PAX7: variants seen among roughly 807,000 people sequenced by gnomAD.
The protein encoded by PAX7 is paired box protein Pax-7.
Under a neutral mutation model 50.7 loss-of-function variants are expected in PAX7, and 18 were observed. The ratio of observed to expected loss-of-function variants is 0.36; its 90% confidence interval spans 0.25 to 0.53. PAX7 has a LOEUF of 0.53. PAX7 is among the 20% of genes least tolerant of loss of function. PAX7 has a pLI of 0.93. For synonymous variants in PAX7, 310 were observed against 290.4 expected (o/e 1.07, Z -0.69); for missense variants, 644 against 702.9 (o/e 0.92, Z 0.95).
intron 4 of PAX7, among the ~76,000 whole-genome samples, chr1:18,649,132 A>T (rs2100452872): frequency 6.6e-6 from 1 of 152,288 alleles, no homozygotes; most frequent in South Asian, 2.1e-4. Flanking sequence ...CAGATGGAAA[A>T]GCTCAGGTCC....
At chr1:18,662,307 CTG>C (rs2100480924) in intron 4 of PAX7, among the ~76,000 whole-genome samples, 1 of 152,314 alleles carries the variant, frequency 6.6e-6, no homozygotes, top group Non-Finnish European at 1.5e-5. Context: ...AAGATGACCC[CTG>C]CCCCGGCAGT....
chr1:18,671,524 A>T (rs2088748923), intron 4 of PAX7, among the ~76,000 whole-genome samples: 1 of 151,784 alleles, frequency 6.6e-6, no homozygotes, highest in Non-Finnish European at 1.5e-5. Context: ...AGGTGGGAGG[A>T]GGGTGTGATG....
intron 7 of PAX7, among the ~76,000 whole-genome samples, chr1:18,725,383 G>A (rs1196921073): frequency 6.6e-6 from 1 of 151,656 alleles, no homozygotes; most frequent in East Asian, 2.0e-4. Flanking sequence ...CTGGGCGGGG[G>A]ACCAGAGTCA....
At chr1:18,710,805 C>T (rs2089340979) in intron 7 of PAX7, among the ~76,000 whole-genome samples, 1 of 152,166 alleles carries the variant, frequency 6.6e-6, no homozygotes, top group Non-Finnish European at 1.5e-5. Flanking sequence ...AGATTGGGGA[C>T]ATCCTGGCAT....
intron 4 of PAX7, among the ~76,000 whole-genome samples, chr1:18,647,418 G>A (rs919066168): frequency 6.6e-6 from 1 of 151,220 alleles, no homozygotes; most frequent in Non-Finnish European, 1.5e-5. Context: ...AGTCATCCCC[G>A]CTGTGGTGGC....
At chr1:18,733,587 A>G (rs1350513730) in intron 7 of PAX7, among the ~76,000 whole-genome samples, 2 of 152,110 alleles carry the variant, frequency 1.3e-5, no homozygotes, top group African/African-American at 2.4e-5. Flanking sequence ...CAGAGGGAAA[A>G]GGTGGAGGAG....
At chr1:18,631,759 T>G in intron 1 of PAX7, 71 bp downstream of exon 1, 2 of 1,283,652 alleles carry the variant, frequency 1.6e-6, no homozygotes, top group East Asian at 4.8e-5. Flanking sequence ...GAGGCTGCGG[T>G]CTCCAGGGGA....
At chr1:18,717,323 G>C (rs1380490355) in intron 7 of PAX7, among the ~76,000 whole-genome samples, 3 of 152,196 alleles carry the variant, frequency 2.0e-5, no homozygotes, top group African/African-American at 7.2e-5. Context: ...GCGGCGAAGG[G>C]ACGGGCAGCC....
At chr1:18,737,321 TC>T (rs1387756909) in intron 8 of PAX7, among the ~76,000 whole-genome samples, 11 of 152,210 alleles carry the variant, frequency 7.2e-5, no homozygotes, top group Non-Finnish European at 1.3e-4. Context: ...GACCTCTGCT[TC>T]CTGCCCACCC....
intron 7 of PAX7, among the ~76,000 whole-genome samples, chr1:18,712,122 C>T (rs75799933): frequency 0.018 from 838 of 46,432 alleles, 12 homozygotes; most frequent in East Asian, 0.041. Context: ...GCAGCCAAGG[C>T]GTAGGTGTGA....
At position 18,654,770 on chromosome 1, in the gene PAX7, G is replaced by A. The variant is rs78241041; in HGVS notation, c.586+18399G>A. Reference sequence around the variant, plus strand: ...AGACACAGCTCCTTTAATCAGCACAGCCCTATGAACTTCACAGGTTTTACT... The same window carrying A: ...AGACACAGCTCCTTTAATCAGCACAACCCTATGAACTTCACAGGTTTTACT... On this transcript the variant is annotated intron_variant, in intron 4 of 8. Coordinates refer to ENST00000420770, the MANE Select transcript of PAX7 (RefSeq NM_001135254.2). Among the ~76,000 whole-genome samples, 1,134 of 152,338 alleles carry A rather than the reference G, an allele frequency of 7.4e-3. 12 individuals carry two copies. The highest frequency in any genetic ancestry group is 0.026 in the African/African-American group (1,072 of 41,582).
At chr1:18,719,803 A>G (rs2089472766) in intron 7 of PAX7, among the ~76,000 whole-genome samples, 1 of 36,082 alleles carries the variant, frequency 2.8e-5, no homozygotes, top group Non-Finnish European at 5.9e-5. Flanking sequence ...AGCTGTCCCA[A>G]CTGGGTCATA....
chr1:18,744,713 GAT>G (rs1931351290), intron 8 of PAX7, 99 bp from the exon 9 acceptor site: 1 of 687,230 alleles, frequency 1.5e-6, no homozygotes, highest in African/African-American at 2.0e-5. Context: ...TGGATGGATG[GAT>G]GGATGGATGG....
At chr1:18,637,066 A>C (rs2088172105) in intron 4 of PAX7, among the ~76,000 whole-genome samples, 1 of 151,938 alleles carries the variant, frequency 6.6e-6, no homozygotes. Flanking sequence ...CAGGCTCCAC[A>C]CACCCTCTCC....
chr1:18,717,617 T>C (rs1045051305), intron 7 of PAX7, among the ~76,000 whole-genome samples: 3 of 152,054 alleles, frequency 2.0e-5, no homozygotes, highest in Admixed American at 1.3e-4. Flanking sequence ...TTGCCTCTGG[T>C]TTCTAACTTT....
intron 7 of PAX7, among the ~76,000 whole-genome samples, chr1:18,719,923 C>G (rs2089474046): frequency 6.6e-6 from 1 of 152,230 alleles, no homozygotes; most frequent in Admixed American, 6.5e-5. Context: ...GGCACCTCTA[C>G]TCCTATTAGT....
intron 8 of PAX7, among the ~76,000 whole-genome samples, chr1:18,737,361 TTGGCCTCCAC>T (rs1275457640): frequency 4.9e-5 from 7 of 144,146 alleles, no homozygotes; most frequent in Admixed American, 6.8e-5. Context: ...TCACGTGTCG[TTGGCCTCCAC>T]TGCCAAATGA....
chr1:18,671,487 G>C (rs902446240), intron 4 of PAX7, among the ~76,000 whole-genome samples: 1 of 152,224 alleles, frequency 6.6e-6, no homozygotes, highest in Non-Finnish European at 1.5e-5. Context: ...AAAGCCAGAG[G>C]TTGGGGCTGG....
At chr1:18,643,650 C>T (rs569166626) in intron 4 of PAX7, among the ~76,000 whole-genome samples, 2 of 152,204 alleles carry the variant, frequency 1.3e-5, no homozygotes, top group South Asian at 4.1e-4. Flanking sequence ...AGCCGGGCAG[C>T]GGCTAGGGGA....
Sources: allele counts gnomAD v4.1 joint callset (sites outside exome capture counted in the v4.1 genomes callset), GRCh38; gene constraint gnomAD v4.1.1; transcripts MANE v1.5; gene names NCBI Gene and HGNC (gene_info 2026-07-23, HGNC 2026-07-21).